The following PSD2 variants were observed in gnomAD, a reference collection of about 807,000 sequenced individuals.
The protein encoded by PSD2 is PH and SEC7 domain-containing protein 2.
Under a neutral mutation model 69.8 loss-of-function variants are expected in PSD2, and 38 were observed. The observed-to-expected ratio is 0.54, with a 90% CI of 0.42 to 0.71. The LOEUF (loss-of-function observed/expected upper bound fraction) is 0.71. Ranked by LOEUF, PSD2 falls within the 30% of genes least tolerant of loss-of-function variation. The pLI, the probability that PSD2 is intolerant of heterozygous loss-of-function variation, is 0.00. For missense variants in PSD2, 943 were observed against 1,014.5 expected (o/e 0.93, Z 0.96); for synonymous variants, 412 against 423.0 (o/e 0.97, Z 0.32).
At chr5:139,830,582 CTTTCTTTCTT>C (rs1282863229) in intron 7 of PSD2, among the ~76,000 whole-genome samples, 5 of 139,634 alleles carry the variant, frequency 3.6e-5, no homozygotes, top group African/African-American at 1.5e-4. Flanking sequence ...TTCTTTCTTT[CTTTCTTTCTT>C]TTTCTTTCTT....
chr5:139,787,220 A>G, the PSD2 span, among the ~76,000 whole-genome samples: 1 of 152,200 alleles, frequency 6.6e-6, no homozygotes, highest in Non-Finnish European at 1.5e-5. Context: ...GGAGAAGGTC[A>G]TGGGCATGAA....
In PSD2 at chr5:139,821,895, C is replaced by T; in HGVS notation, c.1100C>T (p.Thr367Ile). 1 of 1,597,778 alleles carries T rather than the reference C, an allele frequency of 6.3e-7. No individual in the cohort carries two copies. The highest frequency in any genetic ancestry group is 8.6e-7 in the Non-Finnish European group (1 of 1,168,824). The change falls in exon 6 of 15, where the codon ACA (threonine) becomes ATA (isoleucine). Residue 367 changes from threonine to isoleucine, a missense_variant and splice_region_variant. Physicochemically the swap from Thr to Ile is moderately conservative, Grantham distance 89. Transcript: ENST00000274710. ...AGCAGCTTTGAATTGCCTTCCAGAA[C>T]ATTCTTGAAGGCCTTCCCGCTGATG... is the stretch of plus-strand genomic sequence containing the variant. ...SGLTLDGALR[T>I]FLKAFPLMGE...
At chr5:139,827,323 T>A (rs554402055) in intron 7 of PSD2, among the ~76,000 whole-genome samples, 3 of 152,368 alleles carry the variant, frequency 2.0e-5, no homozygotes, top group African/African-American at 7.2e-5. Context: ...TCCATGCCCA[T>A]GTGGCTGTGG....
At chr5:139,835,880 C>T in intron 9 of PSD2, 114 bp downstream of exon 9, 1 of 1,000,420 alleles carries the variant, frequency 1.0e-6, no homozygotes, top group Non-Finnish European at 1.6e-6. Flanking sequence ...CCTCCCAATC[C>T]AGGGCCTGAT....
chr5:139,765,170 G>A, the PSD2 span, among the ~76,000 whole-genome samples: 3 of 151,844 alleles, frequency 2.0e-5, no homozygotes, highest in African/African-American at 7.3e-5. Context: ...TTCCCACTCA[G>A]TGCCCCTTCT....
chr5:139,767,021 C>T, the PSD2 span, among the ~76,000 whole-genome samples: 1 of 146,602 alleles, frequency 6.8e-6, no homozygotes, highest in Admixed American at 7.1e-5. Flanking sequence ...TTCTCAGAGT[C>T]TCGCTCTGTC....
chr5:139,750,589 G>A, the PSD2 span, among the ~76,000 whole-genome samples: 2 of 152,168 alleles, frequency 1.3e-5, no homozygotes, highest in Non-Finnish European at 2.9e-5. Context: ...GAAAAGGCAG[G>A]GTGAAGGTTC....
intron 1 of PSD2, among the ~76,000 whole-genome samples, chr5:139,804,800 G>A (rs541827025): frequency 6.6e-6 from 1 of 152,280 alleles, no homozygotes; most frequent in East Asian, 1.9e-4. Flanking sequence ...CCAGTGCCTT[G>A]TCCACCTTAC....
chr5:139,749,222 A>G, the PSD2 span, among the ~76,000 whole-genome samples: 1 of 151,550 alleles, frequency 6.6e-6, no homozygotes, highest in Non-Finnish European at 1.5e-5. Flanking sequence ...GGCTGGCTTC[A>G]CTCTCCCATC....
At position 139,814,227 on chromosome 5, in the gene PSD2, G is replaced by C; in HGVS notation, c.879G>C (p.Glu293Asp). The change falls in exon 4 of 15, where the codon GAG (glutamate) becomes GAC (aspartate). Residue 293 changes from glutamate (E) to aspartate (D), a missense_variant. Physicochemically the swap from Glu to Asp is conservative, Grantham distance 45. Transcript: ENST00000274710. The surrounding 1 kb of genome is among the most constrained non-coding windows in gnomAD (Gnocchi z 4.4). ...SDSDSELSSS[E>D]GLEPGSADPL... The stretch of plus-strand genomic sequence containing the variant: ...CAGACTCTGAGCTCAGCAGCTCGGA[G>C]GGGTTGGAGCCTGGTAGTGCAGACC... 8 of 1,613,886 alleles carry C rather than the reference G, an allele frequency of 5.0e-6. No individual in the cohort carries two copies. The highest frequency in any genetic ancestry group is 6.8e-6 in the Non-Finnish European group (8 of 1,179,880).
intron 1 of PSD2, among the ~76,000 whole-genome samples, chr5:139,805,467 G>A (rs1759781345): frequency 6.6e-6 from 1 of 152,190 alleles, no homozygotes; most frequent in Non-Finnish European, 1.5e-5. Flanking sequence ...GGACTCTGGG[G>A]ACACAGCCGT....
intron 8 of PSD2, among the ~76,000 whole-genome samples, chr5:139,834,259 T>G (rs1196898905): frequency 6.6e-6 from 1 of 152,160 alleles, no homozygotes; most frequent in Non-Finnish European, 1.5e-5. Flanking sequence ...GAGCAGGTTT[T>G]TGGTGGCTCG....
At chr5:139,776,032 G>A in the PSD2 span, among the ~76,000 whole-genome samples, 2 of 152,056 alleles carry the variant, frequency 1.3e-5, no homozygotes, top group South Asian at 2.1e-4. Flanking sequence ...CCTCCAAGAC[G>A]CCTCCCCAAG....
chr5:139,808,748 G>A (rs1759873130), intron 1 of PSD2, among the ~76,000 whole-genome samples: 1 of 152,156 alleles, frequency 6.6e-6, no homozygotes, highest in Non-Finnish European at 1.5e-5. Flanking sequence ...GGGTGGCACC[G>A]CCCACCCAGC....
rs1760058278 is a variant in PSD2, at chr5:139,814,246, G to A, written c.898G>A (p.Ala300Thr). 6.2e-7 allele frequency: 1 copy of A among 1,613,924 alleles called. No individual in the cohort carries two copies. Among genetic ancestry groups the A allele is most frequent in the Non-Finnish European group, 8.5e-7 (1 of 1,179,900 alleles). Residue 300 changes from alanine (A) to threonine (T), a missense_variant, in exon 4 of 15, where the codon GCA becomes ACA. Physicochemically the swap from Ala to Thr is moderately conservative, Grantham distance 58. Coordinates refer to ENST00000274710, the MANE Select transcript of PSD2 (RefSeq NM_032289.4). The surrounding 1 kb of genome is among the most constrained non-coding windows in gnomAD (Gnocchi z 4.4). The part of the protein sequence containing the change: ...SSSEGLEPGS[A>T]DPLANGCQGV... Reference sequence around the variant, plus strand: ...CTCGGAGGGGTTGGAGCCTGGTAGTGCAGACCCTCTGGCCAACGGGTGCCA... The same window carrying A: ...CTCGGAGGGGTTGGAGCCTGGTAGTACAGACCCTCTGGCCAACGGGTGCCA...
chr5:139,800,094 G>A (rs1759632827), intron 1 of PSD2, among the ~76,000 whole-genome samples: 1 of 152,224 alleles, frequency 6.6e-6, no homozygotes, highest in South Asian at 2.1e-4. Context: ...AGGGCCCTGA[G>A]CAGGGCTAGG....
At chr5:139,802,344 G>A (rs1266689819) in intron 1 of PSD2, among the ~76,000 whole-genome samples, 1 of 152,088 alleles carries the variant, frequency 6.6e-6, no homozygotes, top group African/African-American at 2.4e-5. Flanking sequence ...GGCTGTTGAA[G>A]CAGACTGTGG....
the PSD2 span, among the ~76,000 whole-genome samples, chr5:139,754,854 G>A: frequency 6.6e-6 from 1 of 152,258 alleles, no homozygotes; most frequent in Non-Finnish European, 1.5e-5. Context: ...TCCAGCTTGA[G>A]TGACCCTGTC....
intron 7 of PSD2, among the ~76,000 whole-genome samples, chr5:139,826,702 A>T (rs542360016): frequency 6.6e-6 from 1 of 152,302 alleles, no homozygotes; most frequent in East Asian, 1.9e-4. Flanking sequence ...ACAGCTACTT[A>T]CTGTTTGAAA....
Sources: gnomAD v4.1 joint callset for allele counts (sites outside exome capture counted in the v4.1 genomes callset) on GRCh38, gnomAD v4.1.1 for gene constraint, Gnocchi (gnomAD v3.1) non-coding constraint, MANE v1.5 for transcripts, NCBI Gene and HGNC (gene_info 2026-07-23, HGNC 2026-07-21) for gene names.